The following FAM168B variants were observed in gnomAD, a reference collection of about 807,000 sequenced individuals.
FAM168B encodes myelin-associated neurite-outgrowth inhibitor.
FAM168B carries 19 observed loss-of-function variants against 21.8 expected under a neutral mutation model. That is an observed-to-expected ratio of 0.87 (90% CI 0.61 to 1.28). The LOEUF is 1.28. Ranked by LOEUF, FAM168B falls within the 50% of genes most tolerant of loss-of-function variation. The pLI is 0.00. For missense variants in FAM168B, 233 were observed against 263.1 expected (o/e 0.89, Z 0.79); for synonymous variants, 126 against 104.8 (o/e 1.20, Z -1.24).
chr2:131,077,050 C>T (rs539152311), intron 2 of FAM168B, among the ~76,000 whole-genome samples: 1 of 152,172 alleles, frequency 6.6e-6, no homozygotes, highest in Admixed American at 6.5e-5. Context: ...TCTAGGAACC[C>T]ACCCTGAGGA....
intron 3 of FAM168B, among the ~76,000 whole-genome samples, chr2:131,071,127 A>G (rs546684605): frequency 6.6e-6 from 1 of 152,198 alleles, no homozygotes; most frequent in Admixed American, 6.5e-5. Flanking sequence ...AAACAGGAAG[A>G]ATCTGGGGAA....
intron 3 of FAM168B, among the ~76,000 whole-genome samples, chr2:131,058,147 ATTTTG>A (rs1692117686): frequency 1.3e-5 from 2 of 152,070 alleles, no homozygotes; most frequent in Non-Finnish European, 2.9e-5. Flanking sequence ...TGGTCCATAT[ATTTTG>A]TTTTAATTTG....
At chr2:131,079,854 C>T (rs1693344629) in intron 2 of FAM168B, among the ~76,000 whole-genome samples, 2 of 152,094 alleles carry the variant, frequency 1.3e-5, no homozygotes, top group African/African-American at 2.4e-5. Flanking sequence ...CAGTGGCTCA[C>T]GCTTGTAATC....
chr2:131,090,246 G>A (rs1235933719), intron 1 of FAM168B, among the ~76,000 whole-genome samples: 3 of 149,248 alleles, frequency 2.0e-5, no homozygotes, highest in African/African-American at 7.4e-5. Context: ...GTGAACCCAG[G>A]AGGCTGAGCT....
intron 1 of FAM168B, among the ~76,000 whole-genome samples, chr2:131,084,061 C>T (rs891065043): frequency 3.3e-5 from 5 of 151,918 alleles, no homozygotes; most frequent in Non-Finnish European, 5.9e-5. Flanking sequence ...CGCCACCACA[C>T]CCAGCTAATT....
At chr2:131,063,449 T>G (rs903745078) in intron 3 of FAM168B, among the ~76,000 whole-genome samples, 1 of 152,306 alleles carries the variant, frequency 6.6e-6, no homozygotes, top group African/African-American at 2.4e-5. Context: ...ACAAGTGCAT[T>G]TCAAGTAAGG....
intron 3 of FAM168B, among the ~76,000 whole-genome samples, chr2:131,062,247 G>A (rs1692339548): frequency 6.6e-6 from 1 of 152,182 alleles, no homozygotes; most frequent in Non-Finnish European, 1.5e-5. Context: ...TCTCCAAAGA[G>A]GGAGTCTCTC....
Position 131,048,743 on chromosome 2 carries a change from G to C in FAM168B, c.*3722C>G. 1 of 987,142 alleles carries C rather than the reference G, an allele frequency of 1.0e-6. No individual in the cohort carries two copies. Among genetic ancestry groups the C allele is most frequent in the Non-Finnish European group, 1.2e-6 (1 of 830,840 alleles). 61.1% of individuals were successfully genotyped at this position (987,142 alleles called of 1,614,324 possible). A position where few individuals can be genotyped will look rare whatever the true frequency, so the allele number is the denominator to read the frequency against. ...GAGGTACTAGAGGGGAGAAATACGT[G>C]CTCTGCCTTCCCCCAGGCCAACCAC... On this transcript the variant is annotated 3_prime_UTR_variant, in exon 7 of 7. Transcript: ENST00000389915.
chr2:131,090,065 A>C (rs1693927061), intron 1 of FAM168B, among the ~76,000 whole-genome samples: 1 of 149,096 alleles, frequency 6.7e-6, no homozygotes, highest in Non-Finnish European at 1.5e-5. Context: ...CACGCCTGTA[A>C]TCCCAGCACT....
intron 2 of FAM168B, 136 bp downstream of exon 2, chr2:131,082,441 T>A: frequency 9.6e-6 from 6 of 625,582 alleles, no homozygotes; most frequent in Admixed American, 3.3e-5. Context: ...TATCATTTGA[T>A]TTTTCACTTC....
chr2:131,070,147 G>A lies in FAM168B; in HGVS notation c.154+1708C>T, dbSNP rs959307145. ...GCTGGGATTACAGACGTGAGCCACCGCGCCCAGCCTAAACTTTTAAAACCC... is the reference window on the plus strand; with the variant it reads ...GCTGGGATTACAGACGTGAGCCACCACGCCCAGCCTAAACTTTTAAAACCC... On this transcript the variant is annotated intron_variant, in intron 3 of 6. Coordinates refer to ENST00000389915, the MANE Select transcript of FAM168B (RefSeq NM_001009993.4). Among the ~76,000 whole-genome samples the A allele has an allele frequency of 4.6e-5, 7 of 152,176 alleles. No individual in the cohort carries two copies. The South Asian group carries it at 8.3e-4, about 18-fold the overall frequency.
chr2:131,084,051 C>T (rs898292230), intron 1 of FAM168B, among the ~76,000 whole-genome samples: 6 of 151,002 alleles, frequency 4.0e-5, no homozygotes, highest in South Asian at 2.1e-4. Flanking sequence ...TACAGGCGTG[C>T]GCCACCACAC....
chr2:131,091,464 G>T (rs530181592), intron 1 of FAM168B, among the ~76,000 whole-genome samples: 1 of 151,834 alleles, frequency 6.6e-6, no homozygotes, highest in South Asian at 2.1e-4. Flanking sequence ...TGGGCAACAT[G>T]GTAAAACCCC....
At chr2:131,073,453 T>C (rs776486995) in intron 2 of FAM168B, among the ~76,000 whole-genome samples, 2 of 152,196 alleles carry the variant, frequency 1.3e-5, no homozygotes, top group Non-Finnish European at 2.9e-5. Context: ...TTTTCATATG[T>C]CCTCTCCAAA....
In FAM168B at chr2:131,055,601, G is replaced by A. The variant is rs368846974; in HGVS notation, c.249C>T (p.Ala83=). Residue 83 remains alanine (A), a synonymous_variant, in exon 4 of 7, where the codon GCC becomes GCT. Transcript: ENST00000389915. ...YSSSPNPYQT[A]VYPVRSAYPQ... is the part of the protein sequence containing the mutation. ...GGTAGGCACTTCGCACAGGGTACAC[G>A]GCAGTCTGGTAGGGGTTCGGGGAGG... 54 of 1,611,060 alleles carry A rather than the reference G, an allele frequency of 3.4e-5. No homozygotes were observed. Among genetic ancestry groups the A allele is most frequent in the South Asian group, 1.7e-4 (15 of 90,616 alleles).
intron 1 of FAM168B, among the ~76,000 whole-genome samples, chr2:131,085,290 A>C (rs1693633061): frequency 6.6e-6 from 1 of 152,136 alleles, no homozygotes; most frequent in African/African-American, 2.4e-5. Flanking sequence ...TCTCTGAAAA[A>C]CATGTAATAA....
intron 3 of FAM168B, among the ~76,000 whole-genome samples, chr2:131,061,840 G>A (rs1205696443): frequency 6.6e-6 from 1 of 151,982 alleles, no homozygotes; most frequent in African/African-American, 2.4e-5. Flanking sequence ...CTTTAAAAAG[G>A]CCATCAGCAG....
At chr2:131,092,135 C>A (rs1329066250) in intron 1 of FAM168B, among the ~76,000 whole-genome samples, 1 of 149,434 alleles carries the variant, frequency 6.7e-6, no homozygotes, top group East Asian at 1.9e-4. Flanking sequence ...CAGAGGGAGA[C>A]TCCGTCTCAA....
At position 131,067,763 on chromosome 2, in the gene FAM168B, C is replaced by T. The variant is rs564862345; in HGVS notation, c.154+4092G>A. Among the ~76,000 whole-genome samples the T allele has an allele frequency of 3.3e-5, 5 of 152,096 alleles. No homozygotes were observed. The South Asian group carries it at 1.0e-3, about 32-fold the overall frequency. ...CACATACACACCCACCTCCACACACCTTCAGAGAAAGACAGAGAAAAAGCA... is the reference window on the plus strand; with the variant it reads ...CACATACACACCCACCTCCACACACTTTCAGAGAAAGACAGAGAAAAAGCA... On this transcript the variant is annotated intron_variant, in intron 3 of 6. Coordinates refer to ENST00000389915, the MANE Select transcript of FAM168B (RefSeq NM_001009993.4).
Sources: gnomAD v4.1 joint callset for allele counts (sites outside exome capture counted in the v4.1 genomes callset) on GRCh38, gnomAD v4.1.1 for gene constraint, MANE v1.5 for transcripts, NCBI Gene and HGNC (gene_info 2026-07-23, HGNC 2026-07-21) for gene names.